Variants in ACOX1 observed in about 807,000 individuals in gnomAD.
The protein encoded by ACOX1 is peroxisomal acyl-coenzyme A oxidase 1.
A neutral mutation model predicts 75.5 loss-of-function variants in ACOX1; 41 were observed. The ratio of observed to expected loss-of-function variants is 0.54; its 90% CI spans 0.42 to 0.70. The LOEUF is 0.70. Ranked by LOEUF, ACOX1 falls within the 30% of genes least tolerant of loss-of-function variation. The pLI, the probability that ACOX1 is intolerant of heterozygous loss-of-function variation, is 0.00. For synonymous variants in ACOX1, 303 were observed against 298.8 expected (o/e 1.01, Z -0.15); for missense variants, 630 against 837.5 (o/e 0.75, Z 3.06).
intron 2 of ACOX1, among the ~76,000 whole-genome samples, chr17:75,968,749 C>A (rs2065965455): frequency 6.6e-6 from 1 of 151,412 alleles, no homozygotes; most frequent in Non-Finnish European, 1.5e-5. Context: ...ATGGAGAAAC[C>A]CCGTCTCTAC....
At position 75,978,578 on chromosome 17, in the gene ACOX1, C is replaced by T; in HGVS notation, c.225G>A (p.Arg75=). The T allele has an allele frequency of 6.2e-7, 1 of 1,614,194 alleles. No homozygotes were observed. The highest frequency in any genetic ancestry group is 8.5e-7 in the Non-Finnish European group (1 of 1,180,042). Residue 75 remains arginine (R), a synonymous_variant, in exon 2 of 14, where the codon AGG becomes AGA. Coordinates refer to ENST00000293217, the MANE Select transcript of ACOX1 (RefSeq NM_004035.7). This position sits in a 1 kb window ranked among gnomAD's most constrained non-coding sequence, Gnocchi z 4.2. ...RKSAIMVKKM[R]EFGIADPDEI... ...CATCAGGGTCAGCGATGCCAAACTC[C>T]CTCATCTTCTTCACCATGATGGCAC... is the stretch of plus-strand genomic sequence containing the variant.
rs771856691 is a variant in ACOX1 at position 75,948,387 on chromosome 17, C to T, written c.1799G>A (p.Arg600His). 4.3e-6 allele frequency: 7 copies of T among 1,613,936 alleles called. No homozygotes were observed. The highest frequency in any genetic ancestry group is 2.2e-5 in the East Asian group (1 of 44,898). Residue 600 changes from arginine to histidine, a missense_variant, in exon 13 of 14, where the codon CGC (arginine) becomes CAC (histidine). Physicochemically the swap from Arg to His is conservative, Grantham distance 29 (BLOSUM62 0). Around this residue, in one of 2 missense-constraint regions of ACOX1, gnomAD observed 240 missense variants for 262.7 expected, o/e 0.91. Transcript: ENST00000293217. The part of the protein sequence containing the change: ...QRVKELLTLI[R>H]SDAVALVDAF... Reference sequence around the variant, plus strand: ...ATCAACCAAAGCAACAGCATCTGAGCGAATCAGAGTGAGTAACTCCTTTAC... The same window carrying T: ...ATCAACCAAAGCAACAGCATCTGAGTGAATCAGAGTGAGTAACTCCTTTAC...
intron 4 of ACOX1, among the ~76,000 whole-genome samples, chr17:75,956,394 T>C (rs2065823909): frequency 6.6e-6 from 1 of 152,090 alleles, no homozygotes; most frequent in African/African-American, 2.4e-5. Context: ...TAAGAAGATA[T>C]AAAAGTTTCG....
chr17:75,949,697 A>G, intron 10 of ACOX1, 21 bp downstream of exon 10: 1 of 1,614,120 alleles, frequency 6.2e-7, no homozygotes, highest in African/African-American at 1.3e-5. Flanking sequence ...TGCGTATTCT[A>G]GCTCTTGAGG....
Position 75,951,410 on chromosome 17 carries a change from C to T in ACOX1, c.1107+5G>A. 1 of 1,614,066 alleles carries T rather than the reference C, an allele frequency of 6.2e-7. No individual in the cohort carries two copies. Among genetic ancestry groups the T allele is most frequent in the Non-Finnish European group, 8.5e-7 (1 of 1,180,016 alleles). ...GCCCATGAGTGAATGAGACCAAACT[C>T]ATACCTCAGGCAGTTCACTCAGGTC... On this transcript the variant is annotated splice_donor_5th_base_variant and intron_variant, in intron 8 of 13. Transcript: ENST00000293217.
intron 2 of ACOX1, among the ~76,000 whole-genome samples, chr17:75,974,881 C>T (rs1315686864): frequency 2.0e-5 from 3 of 150,882 alleles, no homozygotes; most frequent in African/African-American, 4.9e-5. Flanking sequence ...CCCGTCTCTA[C>T]GAAAAATACA....
At chr17:75,952,630 G>A (rs932385455) in intron 7 of ACOX1, among the ~76,000 whole-genome samples, 3 of 151,626 alleles carry the variant, frequency 2.0e-5, no homozygotes, top group Non-Finnish European at 4.4e-5. Context: ...TTTGAAAATA[G>A]ACCAGCCTGG....
chr17:75,965,305 T>A (rs1479872652), intron 2 of ACOX1, among the ~76,000 whole-genome samples: 1 of 126,560 alleles, frequency 7.9e-6, no homozygotes, highest in Non-Finnish European at 1.6e-5. Context: ...CCCACTGCAC[T>A]CCAGCCTGGG....
At chr17:75,959,243 G>T (rs758367955) in intron 3 of ACOX1, among the ~76,000 whole-genome samples, 11 of 152,154 alleles carry the variant, frequency 7.2e-5, no homozygotes, top group Non-Finnish European at 1.3e-4. Context: ...TCCCGAGTGG[G>T]AGTCAACAAA....
chr17:75,948,759 G>A (rs896365280), intron 12 of ACOX1, among the ~76,000 whole-genome samples: 7 of 151,734 alleles, frequency 4.6e-5, no homozygotes, highest in African/African-American at 1.7e-4. Context: ...TCTCCATGTT[G>A]GTCAGGCTGG....
At chr17:75,957,792 C>T (rs1303491815) in intron 3 of ACOX1, among the ~76,000 whole-genome samples, 1 of 152,134 alleles carries the variant, frequency 6.6e-6, no homozygotes, top group Non-Finnish European at 1.5e-5. Flanking sequence ...CATGCATGTT[C>T]CATTTCTGTA....
intron 2 of ACOX1, among the ~76,000 whole-genome samples, chr17:75,974,359 A>G (rs1043847016): frequency 5.9e-5 from 9 of 152,210 alleles, no homozygotes; most frequent in African/African-American, 1.9e-4. Flanking sequence ...AGGGTTTACA[A>G]TAAGTAATGT....
At chr17:75,961,465 C>CAAAAAAA (rs142857967) in intron 2 of ACOX1, among the ~76,000 whole-genome samples, 71 of 50,776 alleles carry the variant, frequency 1.4e-3, no homozygotes, top group Non-Finnish European at 1.6e-3. Context: ...ACTAAAAATA[C>CAAAAAAA]AAAAAAAAAA....
chr17:75,966,389 G>A (rs1481322894), intron 2 of ACOX1, among the ~76,000 whole-genome samples: 1 of 149,872 alleles, frequency 6.7e-6, no homozygotes, highest in Non-Finnish European at 1.5e-5. Flanking sequence ...CCCGGGAGGC[G>A]GAGGTTGCAG....
intron 2 of ACOX1, among the ~76,000 whole-genome samples, chr17:75,966,077 C>A (rs1188700696): frequency 1.3e-5 from 2 of 151,896 alleles, no homozygotes; most frequent in African/African-American, 4.8e-5. Context: ...TTGCAGGGAG[C>A]TGAGATCATG....
intron 2 of ACOX1, among the ~76,000 whole-genome samples, chr17:75,977,657 T>A (rs2066066145): frequency 6.6e-6 from 1 of 152,236 alleles, no homozygotes; most frequent in African/African-American, 2.4e-5. Context: ...GGCAGGTTTT[T>A]ATGACGTCTC....
Position 75,942,483 on chromosome 17 carries a change from A to G in ACOX1, c.*4265T>C, listed in dbSNP as rs1475496563. 2 of 152,076 alleles carry G rather than the reference A, an allele frequency of 1.3e-5. No individual in the cohort carries two copies. Among genetic ancestry groups the G allele is most frequent in the Admixed American group, 6.6e-5 (1 of 15,256 alleles). 9.4% of individuals were successfully genotyped at this position (152,076 alleles called of 1,614,324 possible). ...CCCCACCATCAATATTTTAAAATAA[A>G]AAGTCGTTTTAGTCAATTACAGTGT... On this transcript the variant is annotated 3_prime_UTR_variant, in exon 14 of 14. Transcript: ENST00000293217.
intron 2 of ACOX1, among the ~76,000 whole-genome samples, chr17:75,963,268 T>A (rs1296960324): frequency 6.6e-6 from 1 of 152,098 alleles, no homozygotes; most frequent in East Asian, 1.9e-4. Flanking sequence ...AATCCCAGAC[T>A]TCACCATTAC....
At chr17:75,957,115 T>C (rs751563275) in intron 4 of ACOX1, among the ~76,000 whole-genome samples, 30 of 151,492 alleles carry the variant, frequency 2.0e-4, no homozygotes, top group Non-Finnish European at 4.1e-4. Context: ...AGACAAAGTC[T>C]TGCTGTGATG....
Sources: gnomAD v4.1 joint callset for allele counts (sites outside exome capture counted in the v4.1 genomes callset) on GRCh38, gnomAD v4.1.1 for gene constraint, gnomAD v4.1.1 regional missense constraint, Gnocchi (gnomAD v3.1) non-coding constraint, MANE v1.5 for transcripts, NCBI Gene and HGNC (gene_info 2026-07-23, HGNC 2026-07-21) for gene names.